Variants in CASR observed in about 807,000 individuals in gnomAD.
CASR encodes calcium sensing receptor, also known as extracellular calcium-sensing receptor.
In CASR, 23 loss-of-function variants were observed where a neutral mutation model predicts 69.1. The ratio of observed to expected loss-of-function variants is 0.33; its 90% confidence interval spans 0.24 to 0.47. CASR has a LOEUF of 0.47. Ranked by LOEUF, CASR falls within the 20% of genes least tolerant of loss-of-function variation. CASR has a pLI of 1.00. For synonymous variants in CASR, 541 were observed against 544.7 expected (o/e 0.99, Z 0.10); for missense variants, 924 against 1,356.1 (o/e 0.68, Z 5.00).
intron 1 of CASR, among the ~76,000 whole-genome samples, chr3:122,232,777 T>C (rs915288459): frequency 5.3e-5 from 8 of 152,278 alleles, no homozygotes; most frequent in African/African-American, 1.9e-4. Flanking sequence ...TGTGATATTG[T>C]GACTTCAAAG....
In CASR at chr3:122,272,503, A is replaced by G. The variant is rs137934203; in HGVS notation, c.1378-3309A>G. On this transcript the variant is annotated intron_variant, in intron 4 of 6. Transcript: ENST00000639785. ...TCCCTCCCTCTGTCCTTTGCCAGCC[A>G]AAATATGCCTGAAACCTGCATTGAT... Among the ~76,000 whole-genome samples the G allele has an allele frequency of 2.8e-3, 434 of 152,334 alleles. 1 individual carries two copies. The highest frequency in any genetic ancestry group is 9.8e-3 in the African/African-American group (408 of 41,572).
rs1287075426 is a variant in CASR, at chr3:122,262,210, G to T, written c.1175G>T (p.Arg392Leu). The T allele has an allele frequency of 6.2e-7, 1 of 1,614,058 alleles. No individual in the cohort carries two copies. ...DRFSNSSTAF[R>L]PLCTGDENIS... is the part of the protein sequence containing the mutation. ...TTTAGCAACAGCTCGACAGCCTTCC[G>T]ACCCCTCTGTACAGGGGATGAGAAC... Residue 392 changes from arginine (R) to leucine (L), a missense_variant, in exon 4 of 7, where the codon CGA (arginine) becomes CTA (leucine). Coordinates refer to ENST00000639785, the MANE Select transcript of CASR (RefSeq NM_000388.4).
In CASR at chr3:122,269,441, T is replaced by C. The variant is rs897832121; in HGVS notation, c.1378-6371T>C. 2.6e-5 allele frequency among the ~76,000 whole-genome samples: 4 copies of C among 152,232 alleles called. 1 individual carries two copies. The highest frequency in any genetic ancestry group is 5.9e-5 in the Non-Finnish European group (4 of 68,038). On this transcript the variant is annotated intron_variant, in intron 4 of 6. Coordinates refer to ENST00000639785, the MANE Select transcript of CASR (RefSeq NM_000388.4). ...TATCAGGAATGGAGGTTGGATGTCATCAGTGCTTTTTCTGTATCTATTCAG... is the reference window on the plus strand; with the variant it reads ...TATCAGGAATGGAGGTTGGATGTCACCAGTGCTTTTTCTGTATCTATTCAG...
intron 4 of CASR, among the ~76,000 whole-genome samples, chr3:122,264,357 A>G (rs998812707): frequency 6.6e-6 from 1 of 152,184 alleles, no homozygotes; most frequent in African/African-American, 2.4e-5. Context: ...TTACTTCCCA[A>G]GATATCCTGT....
intron 1 of CASR, among the ~76,000 whole-genome samples, chr3:122,211,459 A>G (rs6763316): frequency 0.72 from 110,326 of 152,196 alleles, 40,236 homozygotes; most frequent in Admixed American, 0.82. Flanking sequence ...TGTAATCCCA[A>G]CATGTTGGGA....
chr3:122,276,056 A>G lies in CASR; in HGVS notation c.1608+14A>G, dbSNP rs1350749810. On this transcript the variant is annotated intron_variant, in intron 5 of 6. Coordinates refer to ENST00000639785, the MANE Select transcript of CASR (RefSeq NM_000388.4). ...TTCTCCAGGGAGGTAGGTGCTGTCC[A>G]TCAGAAAACCAGATGTCTCCACCAG... 4 of 1,544,680 alleles carry G rather than the reference A, an allele frequency of 2.6e-6. No individual in the cohort carries two copies. The highest frequency in any genetic ancestry group is 2.2e-5 in the East Asian group (1 of 44,566).
intron 1 of CASR, among the ~76,000 whole-genome samples, chr3:122,191,536 T>A (rs2107580241): frequency 6.6e-6 from 1 of 152,204 alleles, no homozygotes; most frequent in East Asian, 1.9e-4. Context: ...GGTCATGAAC[T>A]CCTGACCTCA....
At chr3:122,196,318 T>C (rs1047667736) in intron 1 of CASR, among the ~76,000 whole-genome samples, 1 of 152,056 alleles carries the variant, frequency 6.6e-6, no homozygotes, top group Non-Finnish European at 1.5e-5. Flanking sequence ...AAAAAATAGA[T>C]ACTACAAAAT....
At chr3:122,236,811 A>G (rs1316408722) in intron 1 of CASR, among the ~76,000 whole-genome samples, 1 of 152,218 alleles carries the variant, frequency 6.6e-6, no homozygotes, top group Non-Finnish European at 1.5e-5. Flanking sequence ...CATATTAACA[A>G]ATATATCTAG....
At chr3:122,230,344 C>G (rs2074267193) in intron 1 of CASR, among the ~76,000 whole-genome samples, 1 of 152,184 alleles carries the variant, frequency 6.6e-6, no homozygotes, top group African/African-American at 2.4e-5. Context: ...ACAACCTCTC[C>G]TCCTTGCTGA....
At chr3:122,224,145 C>G (rs1239666720) in intron 1 of CASR, among the ~76,000 whole-genome samples, 3 of 152,146 alleles carry the variant, frequency 2.0e-5, no homozygotes, top group African/African-American at 7.2e-5. Flanking sequence ...ACAAGGATGT[C>G]CACTCTCACC....
intron 1 of CASR, among the ~76,000 whole-genome samples, chr3:122,201,155 C>T (rs1231148983): frequency 6.6e-6 from 1 of 152,120 alleles, no homozygotes; most frequent in Non-Finnish European, 1.5e-5. Flanking sequence ...CGGCCTTCCG[C>T]AGTGTTTGTG....
rs202135908 is a variant in CASR at position 122,254,153 on chromosome 3, G to T, written c.-37G>T. The T allele has an allele frequency of 2.1e-5, 33 of 1,609,280 alleles. No individual in the cohort carries two copies. Among genetic ancestry groups the T allele is most frequent in the Non-Finnish European group, 2.3e-5 (27 of 1,177,576 alleles). ...ACTTCTGGGAGCCTCCAAACTCCTA[G>T]CTGTCTCATCCCTTGCCCTGGAGAG... is the stretch of plus-strand genomic sequence containing the variant. On this transcript the variant is annotated 5_prime_UTR_variant, in exon 2 of 7. Coordinates refer to ENST00000639785, the MANE Select transcript of CASR (RefSeq NM_000388.4).
chr3:122,225,554 CAA>C (rs33940289), intron 1 of CASR, among the ~76,000 whole-genome samples: 78,570 of 120,212 alleles, frequency 0.65, 24,688 homozygotes, highest in Admixed American at 0.73. Flanking sequence ...CTAAAAAGTC[CAA>C]AAAAAAAAAA....
intron 1 of CASR, among the ~76,000 whole-genome samples, chr3:122,251,875 G>A (rs557529211): frequency 2.0e-5 from 3 of 152,250 alleles, no homozygotes; most frequent in African/African-American, 7.2e-5. Context: ...TCAAAGCCAG[G>A]TGTGAATCCA....
chr3:122,252,327 AAAGAGAG>A (rs2074491840), intron 1 of CASR, among the ~76,000 whole-genome samples: 1 of 129,738 alleles, frequency 7.7e-6, no homozygotes, highest in Middle Eastern at 3.5e-3. Context: ...AGAGAGAAAG[AAAGAGAG>A]AGAAAGAAAG....
chr3:122,267,065 C>T (rs1355802847), intron 4 of CASR, among the ~76,000 whole-genome samples: 1 of 152,226 alleles, frequency 6.6e-6, no homozygotes, highest in African/African-American at 2.4e-5. Flanking sequence ...AAATTATCTT[C>T]TAACTTATGT....
At chr3:122,238,379 A>C (rs9862600) in intron 1 of CASR, among the ~76,000 whole-genome samples, 3,296 of 152,312 alleles carry the variant, frequency 0.022, 112 homozygotes, top group African/African-American at 0.074. Context: ...CAGCCCTAGC[A>C]AGAGGGGAAT....
Position 122,261,846 on chromosome 3 carries a change from T to C in CASR, c.811T>C (p.Ser271Pro). The change falls in exon 4 of 7, where the codon TCC (serine) becomes CCC (proline). Residue 271 changes from serine (S) to proline (P), a missense_variant. Physicochemically the swap from Ser to Pro is moderately conservative, Grantham distance 74 (BLOSUM62 -1). Transcript: ENST00000639785. The stretch of plus-strand genomic sequence containing the variant: ...CACGGCCAAAGTCATCGTGGTTTTC[T>C]CCAGTGGCCCAGATCTTGAGCCCCT... The part of the protein sequence containing the change: ...NSTAKVIVVF[S>P]SGPDLEPLIK... 1 of 1,614,220 alleles carries C rather than the reference T, an allele frequency of 6.2e-7. No individual in the cohort carries two copies. Among genetic ancestry groups the C allele is most frequent in the Non-Finnish European group, 8.5e-7 (1 of 1,180,034 alleles).
Sources: allele counts gnomAD v4.1 joint callset (sites outside exome capture counted in the v4.1 genomes callset), GRCh38; gene constraint gnomAD v4.1.1; transcripts MANE v1.5; gene names NCBI Gene and HGNC (gene_info 2026-07-23, HGNC 2026-07-21).